FRMPD2: variants seen among roughly 807,000 people sequenced by gnomAD.
The protein encoded by FRMPD2 is FERM and PDZ domain containing 2.
In FRMPD2, 96 loss-of-function variants were observed where a neutral mutation model predicts 140.1. The ratio of observed to expected loss-of-function variants is 0.69; its 90% confidence interval spans 0.58 to 0.81. The LOEUF is 0.81. Ranked by LOEUF, FRMPD2 falls within the 40% of genes least tolerant of loss-of-function variation. FRMPD2 has a pLI of 0.00. For missense variants in FRMPD2, 1,240 were observed against 1,447.4 expected (o/e 0.86, Z 2.32); for synonymous variants, 449 against 547.6 (o/e 0.82, Z 2.52).
chr10:48,191,737 C>T (rs1838834384), intron 16 of FRMPD2, among the ~76,000 whole-genome samples: 1 of 152,200 alleles, frequency 6.6e-6, no homozygotes, highest in African/African-American at 2.4e-5. Context: ...GGAATCTGTG[C>T]TATTTCTATA....
At chr10:48,170,631 G>A (rs1554791561) in intron 26 of FRMPD2, among the ~76,000 whole-genome samples, 8 of 150,310 alleles carry the variant, frequency 5.3e-5, no homozygotes, top group Non-Finnish European at 1.2e-4. Flanking sequence ...ATGAAAAGCT[G>A]TAAATGTGTT....
rs1300096883 is a variant in FRMPD2, at chr10:48,223,112, G to T, written c.1316+11C>A. On this transcript the variant is annotated intron_variant, in intron 11 of 28. Coordinates refer to ENST00000374201, the MANE Select transcript of FRMPD2 (RefSeq NM_001018071.4). ...CCTTAAGGAACAAATGAACAGGTTT[G>T]CAGCACTCACTGGAGCAGCCCATAG... 1.2e-6 allele frequency: 2 copies of T among 1,609,474 alleles called. No homozygotes were observed. The highest frequency in any genetic ancestry group is 1.3e-5 in the African/African-American group (1 of 74,834).
chr10:48,176,161 T>A (rs1221245525), intron 22 of FRMPD2: 22 of 480,388 alleles, frequency 4.6e-5, no homozygotes, highest in Non-Finnish European at 8.6e-5. Context: ...ATGTGAGAGA[T>A]CTGGGCATGT....
chr10:48,177,663 G>A (rs1332672727), intron 22 of FRMPD2: 3 of 191,270 alleles, frequency 1.6e-5, no homozygotes, highest in Non-Finnish European at 3.4e-5. Flanking sequence ...GATGACAGTG[G>A]ACTGCCCCAC....
chr10:48,265,377 A>T (rs1460927347), intron 1 of FRMPD2, among the ~76,000 whole-genome samples: 5 of 152,220 alleles, frequency 3.3e-5, no homozygotes, highest in African/African-American at 1.2e-4. Flanking sequence ...GAATCTAATT[A>T]AACTAAAGAG....
At chr10:48,249,828 C>T (rs551500659) in intron 2 of FRMPD2, among the ~76,000 whole-genome samples, 55 of 151,986 alleles carry the variant, frequency 3.6e-4, no homozygotes, top group African/African-American at 1.2e-3. Flanking sequence ...GCACAGTGTG[C>T]AGCTTTCTCA....
intron 16 of FRMPD2, among the ~76,000 whole-genome samples, chr10:48,191,409 C>T (rs1838827868): frequency 6.6e-6 from 1 of 152,174 alleles, no homozygotes; most frequent in African/African-American, 2.4e-5. Context: ...ATTTCTAATC[C>T]AGTTCATTGT....
intron 3 of FRMPD2, among the ~76,000 whole-genome samples, chr10:48,248,116 G>T (rs914301198): frequency 2.0e-5 from 3 of 152,304 alleles, no homozygotes; most frequent in African/African-American, 2.4e-5. Context: ...AATGCCTCCC[G>T]AGGGTAGCAG....
intron 10 of FRMPD2, among the ~76,000 whole-genome samples, chr10:48,227,443 T>C (rs1839749206): frequency 6.6e-6 from 1 of 152,208 alleles, no homozygotes; most frequent in South Asian, 2.1e-4. Context: ...CATCTCCTTG[T>C]CCCAGAGTGC....
chr10:48,272,505 A>G (rs142357758), intron 1 of FRMPD2, among the ~76,000 whole-genome samples: 1 of 152,314 alleles, frequency 6.6e-6, no homozygotes, highest in African/African-American at 2.4e-5. Flanking sequence ...AATGAAATAC[A>G]TTTCTATGAT....
chr10:48,187,227 G>C lies in FRMPD2; in HGVS notation c.2231C>G (p.Ser744Cys). ...GCTCTGAACAGGTGGTCCAGAGAGAGAGTCCCAGGTCATTGGCTTCTGGAT... is the reference window on the plus strand; with the variant it reads ...GCTCTGAACAGGTGGTCCAGAGAGACAGTCCCAGGTCATTGGCTTCTGGAT... The part of the protein sequence containing the change: ...CVIQKPMTWD[S>C]LSGPPVQSMH... Residue 744 changes from serine (S) to cysteine (C), a missense_variant, in exon 17 of 29, where the codon TCT becomes TGT. Ser to Cys is a moderately radical substitution (Grantham distance 112). This residue lies in a region of FRMPD2 where 1,161 missense variants were observed against 1,055.9 expected (regional missense o/e 1.10). Transcript: ENST00000374201. The C allele has an allele frequency of 1.2e-6, 2 of 1,614,098 alleles. No individual in the cohort carries two copies. The highest frequency in any genetic ancestry group is 1.7e-6 in the Non-Finnish European group (2 of 1,179,970).
chr10:48,237,987 T>C lies in FRMPD2; in HGVS notation c.921+4A>G, dbSNP rs898765125. The C allele has an allele frequency of 3.1e-6, 5 of 1,614,184 alleles. No individual in the cohort carries two copies. Among genetic ancestry groups the C allele is most frequent in the Non-Finnish European group, 4.2e-6 (5 of 1,180,032 alleles). On this transcript the variant is annotated splice_donor_region_variant and intron_variant, in intron 8 of 28. Transcript: ENST00000374201. ...GGAGTGTCCTTCAGCCTTATTTTGC[T>C]TACCTTGCTCCTTCTTTGCAGAAAA... is the stretch of plus-strand genomic sequence containing the variant.
intron 13 of FRMPD2, among the ~76,000 whole-genome samples, chr10:48,210,295 T>C (rs1275663233): frequency 6.6e-6 from 1 of 152,194 alleles, no homozygotes; most frequent in Non-Finnish European, 1.5e-5. Flanking sequence ...GCAAGAGTGC[T>C]CCTTGAAACC....
intron 9 of FRMPD2, among the ~76,000 whole-genome samples, chr10:48,233,940 T>C (rs1048265225): frequency 6.6e-6 from 1 of 152,196 alleles, no homozygotes; most frequent in Non-Finnish European, 1.5e-5. Context: ...TGACAGTGGC[T>C]GTCCCCACCC....
At chr10:48,202,059 G>A (rs954948756) in intron 14 of FRMPD2, among the ~76,000 whole-genome samples, 3 of 151,908 alleles carry the variant, frequency 2.0e-5, no homozygotes, top group Non-Finnish European at 2.9e-5. Context: ...CAGCTCACTG[G>A]GCTAAACTGG....
chr10:48,270,427 A>G (rs1447984894), intron 1 of FRMPD2, among the ~76,000 whole-genome samples: 4 of 152,250 alleles, frequency 2.6e-5, no homozygotes, highest in Admixed American at 2.0e-4. Flanking sequence ...TGCCAAGAAC[A>G]TAATTGACAA....
At chr10:48,205,373 G>T (rs1027286417) in intron 14 of FRMPD2, among the ~76,000 whole-genome samples, 2 of 152,168 alleles carry the variant, frequency 1.3e-5, no homozygotes, top group Non-Finnish European at 2.9e-5. Flanking sequence ...ATAAATACCT[G>T]TAAAAGTTAA....
At chr10:48,221,359 T>C (rs913892369) in intron 12 of FRMPD2, among the ~76,000 whole-genome samples, 7 of 152,146 alleles carry the variant, frequency 4.6e-5, no homozygotes. Flanking sequence ...CATCATATGT[T>C]CTCACTCATA....
intron 1 of FRMPD2, among the ~76,000 whole-genome samples, chr10:48,263,692 T>C (rs756596261): frequency 6.6e-6 from 1 of 152,076 alleles, no homozygotes; most frequent in African/African-American, 2.4e-5. Flanking sequence ...GCCCAAAGGA[T>C]TTCACTGTTA....
Sources: gnomAD v4.1 joint callset for allele counts (sites outside exome capture counted in the v4.1 genomes callset) on GRCh38, gnomAD v4.1.1 for gene constraint, gnomAD v4.1.1 regional missense constraint, MANE v1.5 for transcripts, NCBI Gene and HGNC (gene_info 2026-07-23, HGNC 2026-07-21) for gene names.